Variants in QKI observed in about 807,000 individuals in gnomAD.
The protein encoded by QKI is KH domain-containing RNA-binding protein QKI.
Under a neutral mutation model 39.0 loss-of-function variants are expected in QKI, and 10 were observed. The ratio of observed to expected loss-of-function variants is 0.26; its 90% CI spans 0.16 to 0.43. The LOEUF (loss-of-function observed/expected upper bound fraction) is 0.43, where lower values mean the gene tolerates loss of function less well. Among genes scored for constraint, QKI ranks in the 20% least tolerant of loss-of-function variants. The pLI is 1.00. For synonymous variants in QKI, 204 were observed against 155.4 expected, an observed-to-expected ratio of 1.31 and a Z score of -2.33; for missense variants, 218 against 428.0, an observed-to-expected ratio of 0.51 and a Z score of 4.33.
At chr6:163,430,845 C>T (rs938290522) in intron 1 of QKI, among the ~76,000 whole-genome samples, 2 of 152,080 alleles carry the variant, frequency 1.3e-5, no homozygotes, top group Admixed American at 1.3e-4. Flanking sequence ...TACTGGTCTC[C>T]TGAGGTAGTC....
chr6:163,558,601 T>C (rs941827409), intron 4 of QKI, among the ~76,000 whole-genome samples: 2 of 152,098 alleles, frequency 1.3e-5, no homozygotes, highest in African/African-American at 4.8e-5. Context: ...AGTTTCACCA[T>C]GTTGGCCAGG....
At position 163,562,080 on chromosome 6, in the gene QKI, G is replaced by A. The variant is rs1302636158; in HGVS notation, c.634+11G>A. The A allele has an allele frequency of 1.9e-6, 3 of 1,605,130 alleles. No homozygotes were observed. The highest frequency in any genetic ancestry group is 2.6e-6 in the Non-Finnish European group (3 of 1,175,446). Reference sequence around the variant, plus strand: ...CCAACATTAAATCACGTAAGAATGAGCTCTGAGGCCCAGGGTTACTGCTGT... The same window carrying A: ...CCAACATTAAATCACGTAAGAATGAACTCTGAGGCCCAGGGTTACTGCTGT... On this transcript the variant is annotated intron_variant, in intron 5 of 7. Coordinates refer to ENST00000361752, the MANE Select transcript of QKI (RefSeq NM_006775.3).
At chr6:163,567,763 T>A in intron 7 of QKI, 1 of 985,100 alleles carries the variant, frequency 1.0e-6, no homozygotes, top group Non-Finnish European at 1.2e-6. Context: ...ATGGCACATT[T>A]GTTTCCTACA....
Position 163,415,351 on chromosome 6 carries a change from GC to G in QKI, c.142+20del. On this transcript the variant is annotated intron_variant, in intron 1 of 7. Coordinates refer to ENST00000361752, the MANE Select transcript of QKI (RefSeq NM_006775.3). ...CTGGACGAAGGTGAGCGTCTCCAGGGCCCCGGCCCCGGCCCGACCCCCGCCG... is the reference window on the plus strand; with the variant it reads ...CTGGACGAAGGTGAGCGTCTCCAGGGCCCGGCCCCGGCCCGACCCCCGCCG... 2.0e-6 allele frequency: 3 copies of G among 1,529,422 alleles called. No individual in the cohort carries two copies. Among genetic ancestry groups the G allele is most frequent in the Non-Finnish European group, 8.9e-7 (1 of 1,128,928 alleles). 94.7% of individuals were successfully genotyped at this position (1,529,422 alleles called of 1,614,324 possible). A position where few individuals can be genotyped will look rare whatever the true frequency, so the allele number is the denominator to read the frequency against.
At chr6:163,522,317 A>G (rs1780212558) in intron 3 of QKI, among the ~76,000 whole-genome samples, 1 of 152,074 alleles carries the variant, frequency 6.6e-6, no homozygotes, top group East Asian at 1.9e-4. Context: ...AACCTTGTTC[A>G]CTCACAGGGT....
intron 3 of QKI, among the ~76,000 whole-genome samples, chr6:163,533,164 C>G (rs1441793970): frequency 6.6e-6 from 1 of 151,414 alleles, no homozygotes; most frequent in Non-Finnish European, 1.5e-5. Context: ...ATAAAAAATA[C>G]AAATTTTGGT....
At chr6:163,473,954 A>G (rs1419219032) in intron 2 of QKI, among the ~76,000 whole-genome samples, 1 of 152,190 alleles carries the variant, frequency 6.6e-6, no homozygotes, top group Non-Finnish European at 1.5e-5. Flanking sequence ...GCCAGGAAAC[A>G]ATTTGCTCAA....
At chr6:163,447,070 C>T (rs1463588385) in intron 1 of QKI, among the ~76,000 whole-genome samples, 1 of 152,114 alleles carries the variant, frequency 6.6e-6, no homozygotes, top group Non-Finnish European at 1.5e-5. Context: ...TTTCCATTCT[C>T]TAATTACCGT....
At chr6:163,417,978 CAT>C (rs1491341265) in intron 1 of QKI, among the ~76,000 whole-genome samples, 1 of 151,958 alleles carries the variant, frequency 6.6e-6, no homozygotes, top group Non-Finnish European at 1.5e-5. Context: ...AAGTCCATCA[CAT>C]TTTTTTTTCT....
chr6:163,479,342 T>G (rs1254888802), intron 3 of QKI, among the ~76,000 whole-genome samples: 1 of 152,196 alleles, frequency 6.6e-6, no homozygotes, highest in Non-Finnish European at 1.5e-5. Context: ...TTTAAAGGTG[T>G]TGTCATGATT....
chr6:163,537,775 C>G (rs1781289940), intron 4 of QKI, among the ~76,000 whole-genome samples: 2 of 152,190 alleles, frequency 1.3e-5, no homozygotes, highest in Admixed American at 1.3e-4. Context: ...ATTGCCTTTA[C>G]CTACTTCAAA....
intron 1 of QKI, among the ~76,000 whole-genome samples, chr6:163,442,352 A>C (rs1188158488): frequency 6.6e-6 from 1 of 152,248 alleles, no homozygotes; most frequent in Non-Finnish European, 1.5e-5. Flanking sequence ...GTTTTATTAG[A>C]CATAACTTTC....
intron 3 of QKI, among the ~76,000 whole-genome samples, chr6:163,528,338 T>A (rs1405314718): frequency 6.6e-6 from 1 of 152,176 alleles, no homozygotes; most frequent in African/African-American, 2.4e-5. Flanking sequence ...GTTTCTGGTT[T>A]TTCACTATTT....
At chr6:163,538,947 T>C (rs887271679) in intron 4 of QKI, among the ~76,000 whole-genome samples, 2 of 152,220 alleles carry the variant, frequency 1.3e-5, no homozygotes, top group Admixed American at 6.5e-5. Flanking sequence ...GTATAAAAGT[T>C]GATAGCAAAT....
intron 1 of QKI, among the ~76,000 whole-genome samples, chr6:163,427,362 A>G (rs957959673): frequency 2.7e-5 from 4 of 150,904 alleles, no homozygotes; most frequent in African/African-American, 9.7e-5. Context: ...TAACAAAATT[A>G]ATAATATTAC....
chr6:163,477,751 T>G (rs940724050), intron 2 of QKI, among the ~76,000 whole-genome samples: 3 of 152,146 alleles, frequency 2.0e-5, no homozygotes, highest in African/African-American at 4.8e-5. Context: ...TGAGAATCAC[T>G]TTTCTAAGGT....
intron 3 of QKI, among the ~76,000 whole-genome samples, chr6:163,480,888 C>T (rs1793024884): frequency 6.6e-6 from 1 of 152,148 alleles, no homozygotes; most frequent in Non-Finnish European, 1.5e-5. Flanking sequence ...GCTATTCTGT[C>T]AGCCAGTTAA....
chr6:163,442,950 G>A (rs1216706238), intron 1 of QKI, among the ~76,000 whole-genome samples: 3 of 152,126 alleles, frequency 2.0e-5, no homozygotes, highest in Non-Finnish European at 4.4e-5. Context: ...TGCTTTCCAA[G>A]TATGTTATTA....
At chr6:163,489,600 T>C (rs1777928587) in intron 3 of QKI, among the ~76,000 whole-genome samples, 1 of 150,656 alleles carries the variant, frequency 6.6e-6, no homozygotes, top group African/African-American at 2.5e-5. Flanking sequence ...CATTACAACA[T>C]GTCTTAAGGC....
Sources: gnomAD v4.1 joint callset for allele counts (sites outside exome capture counted in the v4.1 genomes callset) on GRCh38, gnomAD v4.1.1 for gene constraint, MANE v1.5 for transcripts, NCBI Gene and HGNC (gene_info 2026-07-23, HGNC 2026-07-21) for gene names.